The following EIF3L variants were observed in gnomAD, a reference collection of about 807,000 sequenced individuals.
The protein encoded by EIF3L is eukaryotic translation initiation factor 3 subunit L.
In EIF3L, 32 loss-of-function variants were observed where a neutral mutation model predicts 74.6. That is an observed-to-expected ratio of 0.43 (90% CI 0.32 to 0.58). The LOEUF is 0.58. EIF3L is among the 20% of genes least tolerant of loss of function. The pLI, the probability that EIF3L is intolerant of heterozygous loss-of-function variation, is 0.06. For synonymous variants in EIF3L, 256 were observed against 254.4 expected (o/e 1.01, Z -0.06); for missense variants, 474 against 707.8 (o/e 0.67, Z 3.75).
At chr22:37,880,927 C>G (rs1442483424) in intron 11 of EIF3L, 1 of 152,140 alleles carries the variant, frequency 6.6e-6, no homozygotes, top group African/African-American at 2.4e-5. Flanking sequence ...AGCAGTGATT[C>G]CTTCATGTTT....
At chr22:37,855,509 G>A in intron 3 of EIF3L, 56 bp from the exon 4 acceptor site, 1 of 1,505,486 alleles carries the variant, frequency 6.6e-7, no homozygotes, top group Non-Finnish European at 9.2e-7. Context: ...TAAAATGTTA[G>A]GATTGGCATT....
At chr22:37,859,732 C>T (rs1027403586) in intron 5 of EIF3L, among the ~76,000 whole-genome samples, 1 of 151,120 alleles carries the variant, frequency 6.6e-6, no homozygotes, top group African/African-American at 2.4e-5. Flanking sequence ...TAAGGCTGGG[C>T]GCGGTGGCTC....
At chr22:37,875,764 A>T in intron 9 of EIF3L, 77 bp from the exon 10 acceptor site, 1 of 1,429,414 alleles carries the variant, frequency 7.0e-7, no homozygotes. Flanking sequence ...TGCAGGGAAA[A>T]CTCTTGGTGT....
At chr22:37,860,880 C>T (rs1465631194) in intron 5 of EIF3L, among the ~76,000 whole-genome samples, 1 of 152,186 alleles carries the variant, frequency 6.6e-6, no homozygotes, top group East Asian at 1.9e-4. Flanking sequence ...ACCATGACTT[C>T]CCATCACACT....
chr22:37,875,898 G>C lies in EIF3L; in HGVS notation c.964G>C (p.Ala322Pro). Residue 322 changes from alanine to proline, a missense_variant, in exon 10 of 13, where the codon GCA becomes CCA. Ala to Pro is a conservative substitution (Grantham distance 27). Around this residue, in one of 4 missense-constraint regions of EIF3L, gnomAD observed 293 missense variants for 469.1 expected, o/e 0.62. Coordinates refer to ENST00000652021, the MANE Select transcript of EIF3L (RefSeq NM_016091.4). The part of the protein sequence containing the change: ...QVTTYYYVGF[A>P]YLMMRRYQDA... ...CACCACATACTATTATGTTGGGTTT[G>C]CATATTTGATGATGCGTCGTTACCA... is the stretch of plus-strand genomic sequence containing the variant. The C allele has an allele frequency of 6.2e-7, 1 of 1,614,080 alleles. No individual in the cohort carries two copies. The highest frequency in any genetic ancestry group is 8.5e-7 in the Non-Finnish European group (1 of 1,180,026).
chr22:37,863,758 C>A (rs1015445170), intron 7 of EIF3L, among the ~76,000 whole-genome samples: 4 of 147,878 alleles, frequency 2.7e-5, no homozygotes, highest in African/African-American at 9.9e-5. Context: ...GTTCTATTAT[C>A]TTTTTTTTTT....
chr22:37,862,024 C>T (rs1408287741), intron 5 of EIF3L, among the ~76,000 whole-genome samples: 2 of 152,154 alleles, frequency 1.3e-5, no homozygotes, highest in African/African-American at 2.4e-5. Context: ...TAAACAGAGA[C>T]GGGGTCTTGC....
intron 9 of EIF3L, among the ~76,000 whole-genome samples, chr22:37,874,895 AT>A (rs35994639): frequency 0.023 from 2,571 of 113,484 alleles, 30 homozygotes; most frequent in African/African-American, 0.061. Context: ...TGCCCAGCTA[AT>A]TTTTTTTTTT....
At chr22:37,856,753 A>T (rs982539284) in intron 4 of EIF3L, among the ~76,000 whole-genome samples, 1 of 151,734 alleles carries the variant, frequency 6.6e-6, no homozygotes, top group African/African-American at 2.4e-5. Flanking sequence ...TGGAGGCAGG[A>T]GAATCACTTG....
At chr22:37,863,103 C>CTT (rs61195610) in intron 6 of EIF3L, 65 bp downstream of exon 6, 483 of 1,025,414 alleles carry the variant, frequency 4.7e-4, no homozygotes, top group South Asian at 6.8e-4. Context: ...TGGCCTCCAG[C>CTT]TTTTTTTTTT....
intron 5 of EIF3L, among the ~76,000 whole-genome samples, chr22:37,859,192 A>G (rs11913731): frequency 0.069 from 10,432 of 151,440 alleles, 471 homozygotes; most frequent in African/African-American, 0.11. Context: ...CAATCGTGCA[A>G]AGTTGGTACC....
At chr22:37,865,972 T>G (rs1289219049) in intron 7 of EIF3L, among the ~76,000 whole-genome samples, 7 of 152,180 alleles carry the variant, frequency 4.6e-5, no homozygotes, top group Admixed American at 4.6e-4. Context: ...GTGGCTGGTG[T>G]ATTTCGTCCT....
rs189928344 is a variant in EIF3L, at chr22:37,886,922, T to A, written c.1656+77T>A. ...ACTGAATCGAGAGTTTACTTTTTTT[T>A]AATTTTTATTCCTTTATTTATTTTG... On this transcript the variant is annotated intron_variant, in intron 12 of 12. Coordinates refer to ENST00000652021, the MANE Select transcript of EIF3L (RefSeq NM_016091.4). The A allele has an allele frequency of 7.5e-4, 880 of 1,177,276 alleles. 3 individuals are homozygous for A. The African/African-American group carries it at 8.6e-3, about 12-fold the overall frequency. The allele number at this position is 1,177,276 out of a possible 1,614,324, so 72.9% of individuals were successfully genotyped here.
chr22:37,886,699 C>A, intron 11 of EIF3L, 66 bp from the exon 12 acceptor site: 1 of 1,418,454 alleles, frequency 7.0e-7, no homozygotes, highest in Non-Finnish European at 9.9e-7. Context: ...TCCATGGTGG[C>A]TCCTGGGTTA....
chr22:37,862,975 C>A lies in EIF3L; in HGVS notation c.442C>A (p.Pro148Thr). The A allele has an allele frequency of 6.2e-7, 1 of 1,610,040 alleles. No homozygotes were observed. Among genetic ancestry groups the A allele is most frequent in the Non-Finnish European group, 8.5e-7 (1 of 1,178,286 alleles). Reference sequence around the variant, plus strand: ...TCTCTTGTTTTCTTTACAGGGGGGACCTTCCTTGGAGCAGAGGTTTGAATC... The same window carrying A: ...TCTCTTGTTTTCTTTACAGGGGGGAACTTCCTTGGAGCAGAGGTTTGAATC... ...RHIYAKVSGG[P>T]SLEQRFESYY... The change falls in exon 6 of 13, where the codon CCT becomes ACT. Residue 148 changes from proline to threonine, a missense_variant. Pro to Thr is a conservative substitution (Grantham distance 38, BLOSUM62 -1). This residue lies in a region of EIF3L where 141 missense variants were observed against 197.7 expected (regional missense o/e 0.71). Transcript: ENST00000652021.
chr22:37,877,991 G>T lies in EIF3L; in HGVS notation c.1395G>T (p.Lys465Asn), dbSNP rs1371217170. Residue 465 changes from lysine (K) to asparagine (N), a missense_variant, in exon 11 of 13, where the codon AAG (lysine) becomes AAT (asparagine). Around this residue, in one of 4 missense-constraint regions of EIF3L, gnomAD observed 293 missense variants for 469.1 expected, o/e 0.62. Coordinates refer to ENST00000652021, the MANE Select transcript of EIF3L (RefSeq NM_016091.4). ...AQLSTIRSFL[K>N]LYTTMPVAKL... ...TTTCAACCATCCGCAGCTTCCTGAA[G>T]CTCTACACCACCATGCCTGTGGCCA... The T allele has an allele frequency of 6.2e-7, 1 of 1,613,324 alleles. No homozygotes were observed. Among genetic ancestry groups the T allele is most frequent in the South Asian group, 1.1e-5 (1 of 91,040 alleles).
At chr22:37,869,103 G>A (rs1423171950) in intron 7 of EIF3L, among the ~76,000 whole-genome samples, 5 of 152,084 alleles carry the variant, frequency 3.3e-5, no homozygotes, top group East Asian at 3.9e-4. Flanking sequence ...TACAAAATTA[G>A]CATTTTGTCC....
chr22:37,861,492 T>C (rs1925853845), intron 5 of EIF3L, among the ~76,000 whole-genome samples: 1 of 152,124 alleles, frequency 6.6e-6, no homozygotes, highest in Non-Finnish European at 1.5e-5. Context: ...GAGACCAGCC[T>C]GACCAATATG....
intron 3 of EIF3L, among the ~76,000 whole-genome samples, chr22:37,854,304 T>A (rs1198256999): frequency 6.6e-6 from 1 of 152,124 alleles, no homozygotes; most frequent in Non-Finnish European, 1.5e-5. Context: ...GCCAGTTGAA[T>A]TTGGTAACTT....
Sources: gnomAD v4.1 joint callset for allele counts (sites outside exome capture counted in the v4.1 genomes callset) on GRCh38, gnomAD v4.1.1 for gene constraint, gnomAD v4.1.1 regional missense constraint, MANE v1.5 for transcripts, NCBI Gene and HGNC (gene_info 2026-07-23, HGNC 2026-07-21) for gene names.